The following TANC2 variants were observed in gnomAD, a reference collection of about 807,000 sequenced individuals.
The protein encoded by TANC2 is tetratricopeptide repeat, ankyrin repeat and coiled-coil containing 2.
Under a neutral mutation model 210.5 loss-of-function variants are expected in TANC2, and 26 were observed. The observed-to-expected ratio is 0.12, with a 90% CI of 0.09 to 0.17. TANC2 has a LOEUF of 0.17. Ranked by LOEUF, TANC2 falls within the 10% of genes least tolerant of loss-of-function variation. TANC2 has a pLI of 1.00. For synonymous variants in TANC2, 931 were observed against 967.1 expected (o/e 0.96, Z 0.69); for missense variants, 2,129 against 2,608.9 (o/e 0.82, Z 4.01).
chr17:63,360,847 T>G lies in TANC2; in HGVS notation c.2582+5457T>G, dbSNP rs1474714609. 3.9e-5 allele frequency among the ~76,000 whole-genome samples: 6 copies of G among 152,292 alleles called. No individual in the cohort carries two copies. In the East Asian group the frequency reaches 1.2e-3, roughly 29 times the overall value. The stretch of plus-strand genomic sequence containing the variant: ...TCCCCTACTCTCTATCTCCATGAGT[T>G]CAATTATTTTAATTTTTAGCTCTGA... On this transcript the variant is annotated intron_variant, in intron 14 of 27. Transcript: ENST00000689528.
chr17:63,277,973 A>G (rs2043935941), intron 9 of TANC2, among the ~76,000 whole-genome samples: 1 of 152,038 alleles, frequency 6.6e-6, no homozygotes, highest in African/African-American at 2.4e-5. Context: ...GGAATTCGAG[A>G]CCAGCCTGGG....
chr17:62,991,309 T>C (rs2032849834), intron 1 of TANC2, among the ~76,000 whole-genome samples: 1 of 152,024 alleles, frequency 6.6e-6, no homozygotes, highest in Non-Finnish European at 1.5e-5. Context: ...CGTGTGTGGG[T>C]TCTGTGTCTG....
At chr17:63,181,657 C>CT (rs2040788975) in intron 5 of TANC2, among the ~76,000 whole-genome samples, 2 of 152,192 alleles carry the variant, frequency 1.3e-5, no homozygotes, top group Non-Finnish European at 2.9e-5. Context: ...ACCTTAAATT[C>CT]TGCTTTGTCG....
intron 14 of TANC2, among the ~76,000 whole-genome samples, chr17:63,372,021 C>T (rs1233879498): frequency 6.6e-6 from 1 of 152,186 alleles, no homozygotes; most frequent in African/African-American, 2.4e-5. Flanking sequence ...TTTGTCAAAA[C>T]ACGCATACTT....
chr17:63,156,717 T>TTC (rs1055483727), intron 5 of TANC2, among the ~76,000 whole-genome samples: 1 of 152,188 alleles, frequency 6.6e-6, no homozygotes, highest in East Asian at 1.9e-4. Flanking sequence ...TCTTTTTTTT[T>TTC]TCTCTCTCTC....
chr17:62,981,364 C>A (rs968597755), intron 1 of TANC2, among the ~76,000 whole-genome samples: 1 of 152,042 alleles, frequency 6.6e-6, no homozygotes, highest in Admixed American at 6.6e-5. Context: ...AGAACCTACC[C>A]CCCCTCACCT....
At chr17:63,096,291 A>C (rs1016365985) in intron 3 of TANC2, among the ~76,000 whole-genome samples, 1 of 152,148 alleles carries the variant, frequency 6.6e-6, no homozygotes, top group Non-Finnish European at 1.5e-5. Context: ...TAGTAAGTGA[A>C]AGGGCCCAGA....
chr17:63,009,432 A>G (rs2033768769), intron 1 of TANC2, 105 bp from the exon 2 acceptor site: 1 of 689,976 alleles, frequency 1.4e-6, no homozygotes, highest in Admixed American at 2.7e-5. Context: ...GTCCAGTTGT[A>G]CCCTTTAAGT....
chr17:63,198,196 T>C (rs531559590), intron 6 of TANC2, among the ~76,000 whole-genome samples: 2 of 151,720 alleles, frequency 1.3e-5, no homozygotes, highest in East Asian at 1.9e-4. Context: ...TTTTCTTCTT[T>C]TTTTTTTCTT....
chr17:63,416,437 A>C (rs1330139512), intron 26 of TANC2, among the ~76,000 whole-genome samples: 2 of 152,234 alleles, frequency 1.3e-5, no homozygotes, highest in Non-Finnish European at 2.9e-5. Flanking sequence ...AAAATAATCC[A>C]AGCCAAACAG....
chr17:63,019,149 T>A (rs2034242002), intron 2 of TANC2, among the ~76,000 whole-genome samples: 1 of 152,154 alleles, frequency 6.6e-6, no homozygotes, highest in Non-Finnish European at 1.5e-5. Flanking sequence ...CCACCAGCAA[T>A]GTATAAGTAA....
At chr17:63,306,702 C>T (rs1456411627) in intron 9 of TANC2, among the ~76,000 whole-genome samples, 1 of 152,186 alleles carries the variant, frequency 6.6e-6, no homozygotes, top group African/African-American at 2.4e-5. Context: ...CGCATGTAAT[C>T]CCAGCACTTT....
chr17:63,129,025 T>A (rs1221942362), intron 4 of TANC2, among the ~76,000 whole-genome samples: 2 of 152,104 alleles, frequency 1.3e-5, no homozygotes, highest in African/African-American at 4.8e-5. Context: ...GGGTTTTTTG[T>A]TTGTTTTTTT....
chr17:63,194,896 A>C (rs188558995), intron 6 of TANC2, among the ~76,000 whole-genome samples: 29 of 152,168 alleles, frequency 1.9e-4, no homozygotes, highest in Middle Eastern at 3.4e-3. Flanking sequence ...ATGTAGCAAA[A>C]AAAAGTACTA....
chr17:63,319,978 C>T (rs1306468298), intron 11 of TANC2, among the ~76,000 whole-genome samples: 3 of 152,162 alleles, frequency 2.0e-5, no homozygotes, highest in Non-Finnish European at 4.4e-5. Flanking sequence ...TACAAATTAT[C>T]TATTGCTTCT....
At chr17:63,125,319 TTGA>T in intron 4 of TANC2, 1 of 152,340 alleles carries the variant, frequency 6.6e-6, no homozygotes, top group Non-Finnish European at 1.5e-5. Flanking sequence ...ATAATGATAG[TTGA>T]TGATGATGCT....
chr17:63,411,139 G>A (rs533826406), intron 21 of TANC2, among the ~76,000 whole-genome samples: 6 of 151,958 alleles, frequency 3.9e-5, no homozygotes, highest in African/African-American at 7.2e-5. Flanking sequence ...GAGGATTTAC[G>A]GGAGATCCGA....
At position 63,420,197 on chromosome 17, in the gene TANC2, C is replaced by T; in HGVS notation, c.4467C>T (p.Tyr1489=). The change falls in exon 28 of 28, where the codon TAC becomes TAT. Residue 1489 remains tyrosine, a synonymous_variant. Coordinates refer to ENST00000689528, the Ensembl canonical transcript of TANC2. This position sits in a 1 kb window ranked among gnomAD's most constrained non-coding sequence, Gnocchi z 4.2. Reference sequence around the variant, plus strand: ...CTGAGCCACAGCATGAAGACATATACTCTGTACAGGATATATTCGAGGAGG... The same window carrying T: ...CTGAGCCACAGCATGAAGACATATATTCTGTACAGGATATATTCGAGGAGG... The T allele has an allele frequency of 1.3e-6, 2 of 1,599,126 alleles. No homozygotes were observed. The highest frequency in any genetic ancestry group is 1.3e-5 in the African/African-American group (1 of 74,710).
At chr17:63,415,490 G>T (rs2048830752) in intron 25 of TANC2, 38 bp from the exon 26 acceptor site, 1 of 1,609,142 alleles carries the variant, frequency 6.2e-7, no homozygotes, top group Admixed American at 1.7e-5. Flanking sequence ...CTGTTCAGCA[G>T]ACCAACTGTG....
Sources: allele counts gnomAD v4.1 joint callset (sites outside exome capture counted in the v4.1 genomes callset), GRCh38; gene constraint gnomAD v4.1.1; non-coding constraint Gnocchi (gnomAD v3.1); transcripts MANE v1.5; gene names NCBI Gene and HGNC (gene_info 2026-07-23, HGNC 2026-07-21).